The following EYS variants were observed in gnomAD, a reference collection of about 807,000 sequenced individuals.
EYS encodes protein eyes shut homolog.
EYS carries 250 observed loss-of-function variants against 282.1 expected under a neutral mutation model. The observed-to-expected ratio is 0.89, with a 90% CI of 0.80 to 0.98. The LOEUF (loss-of-function observed/expected upper bound fraction) is 0.98. Among genes scored for constraint, EYS ranks in the 50% least tolerant of loss-of-function variants. The pLI, the probability that EYS is intolerant of heterozygous loss-of-function variation, is 0.00. For missense variants in EYS, 4,016 were observed against 3,709.0 expected (o/e 1.08, Z -2.15); for synonymous variants, 1,355 against 1,282.9 (o/e 1.06, Z -1.20).
intron 29 of EYS, among the ~76,000 whole-genome samples, chr6:64,352,405 T>A (rs1771673740): frequency 6.6e-6 from 1 of 151,588 alleles, no homozygotes; most frequent in Non-Finnish European, 1.5e-5. Flanking sequence ...CAATATACGT[T>A]CACTAGTATC....
intron 9 of EYS, among the ~76,000 whole-genome samples, chr6:65,347,489 A>T (rs1770443625): frequency 6.6e-6 from 1 of 151,458 alleles, no homozygotes; most frequent in Non-Finnish European, 1.5e-5. Flanking sequence ...CTTGTCTTGT[A>T]GTGAAATTCA....
chr6:65,438,704 TG>T (rs201374686), intron 5 of EYS, among the ~76,000 whole-genome samples: 1 of 152,220 alleles, frequency 6.6e-6, no homozygotes, highest in East Asian at 1.9e-4. Context: ...TTGATGGGGT[TG>T]TTTTTTTCTT....
chr6:65,185,691 T>A (rs576623079), intron 12 of EYS, among the ~76,000 whole-genome samples: 124 of 151,942 alleles, frequency 8.2e-4, no homozygotes, highest in Middle Eastern at 3.4e-3. Flanking sequence ...TTCGTTCTTT[T>A]TGTTTTTTCT....
At chr6:64,616,293 C>T (rs1380846753) in intron 24 of EYS, among the ~76,000 whole-genome samples, 1 of 152,102 alleles carries the variant, frequency 6.6e-6, no homozygotes, top group Non-Finnish European at 1.5e-5. Context: ...CAACTAACTT[C>T]CAATTTAAGT....
At chr6:64,235,002 C>T (rs371632776) in intron 30 of EYS, among the ~76,000 whole-genome samples, 25 of 152,018 alleles carry the variant, frequency 1.6e-4, no homozygotes, top group African/African-American at 4.6e-4. Flanking sequence ...CACAGCCTCC[C>T]GAGTAGCTGG....
At chr6:64,005,359 C>T (rs1768295911) in intron 33 of EYS, among the ~76,000 whole-genome samples, 1 of 152,134 alleles carries the variant, frequency 6.6e-6, no homozygotes, top group Non-Finnish European at 1.5e-5. Flanking sequence ...CTTACTGAAT[C>T]TGTATATTAG....
chr6:65,353,443 A>T lies in EYS; in HGVS notation c.1459+15T>A, dbSNP rs752294951. On this transcript the variant is annotated intron_variant, in intron 9 of 42. Coordinates refer to ENST00000503581, the MANE Select transcript of EYS (RefSeq NM_001142800.2). ...TGATTCAAGCAGATTGAAAAAAATT[A>T]CATAAATTTGTTACCTGCAAATCCC... is the stretch of plus-strand genomic sequence containing the variant. 52 of 1,611,572 alleles carry T rather than the reference A, an allele frequency of 3.2e-5. No individual in the cohort carries two copies.
intron 22 of EYS, among the ~76,000 whole-genome samples, chr6:64,752,511 A>G (rs987136179): frequency 6.6e-6 from 1 of 152,178 alleles, no homozygotes; most frequent in Non-Finnish European, 1.5e-5. Flanking sequence ...GTGATTATGT[A>G]AAGTGTCCAA....
intron 2 of EYS, among the ~76,000 whole-genome samples, chr6:65,604,833 C>T (rs1456541937): frequency 7.2e-6 from 1 of 138,350 alleles, no homozygotes; most frequent in Middle Eastern, 3.6e-3. Context: ...CCTTTAAATT[C>T]ACTGCCCCCT....
chr6:63,857,268 G>A (rs938842389), intron 36 of EYS, among the ~76,000 whole-genome samples: 3 of 152,136 alleles, frequency 2.0e-5, no homozygotes, highest in Non-Finnish European at 4.4e-5. Flanking sequence ...CTCTTCAAGA[G>A]ATTTTCCAGA....
In EYS at chr6:65,013,101, A is replaced by G. The variant is rs142061074; in HGVS notation, c.2138-15398T>C. 1.9e-3 allele frequency among the ~76,000 whole-genome samples: 284 copies of G among 152,286 alleles called. 7 individuals are homozygous for G. The highest frequency in any genetic ancestry group is 0.016 in the Admixed American group (247 of 15,294). ...CAGAAAAAATGAATTGTCTTTAATGAAAAGTTCCCATGCATACCCTTTCTT... is the reference window on the plus strand; with the variant it reads ...CAGAAAAAATGAATTGTCTTTAATGGAAAGTTCCCATGCATACCCTTTCTT... On this transcript the variant is annotated intron_variant, in intron 13 of 42. Transcript: ENST00000503581.
intron 12 of EYS, among the ~76,000 whole-genome samples, chr6:65,229,260 G>A (rs542336593): frequency 2.6e-4 from 34 of 131,444 alleles, no homozygotes; most frequent in African/African-American, 8.4e-4. Flanking sequence ...CTAGTGTTGC[G>A]GCTAGATAAA....
chr6:64,762,116 T>C (rs140575597), intron 22 of EYS, among the ~76,000 whole-genome samples: 1,562 of 152,302 alleles, frequency 0.01, 20 homozygotes, highest in African/African-American at 0.035. Context: ...AATTAGCTGA[T>C]TTGATCATTC....
intron 28 of EYS, among the ~76,000 whole-genome samples, chr6:64,401,590 T>A (rs1773538568): frequency 6.6e-6 from 1 of 152,074 alleles, no homozygotes; most frequent in South Asian, 2.1e-4. Flanking sequence ...GGGGCAATAT[T>A]TTTATCTTAA....
chr6:65,505,540 G>T (rs544404305), intron 2 of EYS, among the ~76,000 whole-genome samples: 1 of 151,750 alleles, frequency 6.6e-6, no homozygotes, highest in Non-Finnish European at 1.5e-5. Context: ...AATGTTATAC[G>T]TTTGTCTCTG....
In EYS at chr6:65,455,208, T is replaced by A. The variant is rs372061240; in HGVS notation, c.862+35386A>T. Among the ~76,000 whole-genome samples, 49 of 152,248 alleles carry A rather than the reference T, an allele frequency of 3.2e-4. No individual in the cohort carries two copies. In the East Asian group the frequency reaches 3.9e-3, roughly 12 times the overall value. ...AATTTTATACTTTTCAGTTTAGAGA[T>A]CTTTCTCCTTCTTGGTTAAGTTGAT... On this transcript the variant is annotated intron_variant, in intron 5 of 42. Coordinates refer to ENST00000503581, the MANE Select transcript of EYS (RefSeq NM_001142800.2).
chr6:63,762,542 T>G lies in EYS; in HGVS notation c.7990A>C (p.Arg2664=), dbSNP rs1342358367. 1.9e-6 allele frequency: 3 copies of G among 1,550,514 alleles called. No individual in the cohort carries two copies. The highest frequency in any genetic ancestry group is 2.4e-5 in the East Asian group (1 of 40,886). The change falls in exon 41 of 43, where the codon AGA becomes CGA. Residue 2664 remains arginine (R), a synonymous_variant. Transcript: ENST00000503581. ...GGTAATGAAATGCAGGTTGCTCCTC[T>G]GCTACAGTGGTGTGGAGGGTCATGT... ...PEHDPPHHCS[R]GATCISLPHG... is the part of the protein sequence containing the mutation.
intron 22 of EYS, among the ~76,000 whole-genome samples, chr6:64,634,998 T>C (rs1767923668): frequency 6.6e-6 from 1 of 152,196 alleles, no homozygotes; most frequent in Admixed American, 6.5e-5. Context: ...TTTTATTTCA[T>C]TGAGCAGTGG....
intron 26 of EYS, among the ~76,000 whole-genome samples, chr6:64,488,336 T>A (rs1040306579): frequency 2.7e-5 from 4 of 150,920 alleles, no homozygotes; most frequent in Non-Finnish European, 4.5e-5. Context: ...GATATAACAA[T>A]CATACAATTG....
Sources: allele counts gnomAD v4.1 joint callset (sites outside exome capture counted in the v4.1 genomes callset), GRCh38; gene constraint gnomAD v4.1.1; transcripts MANE v1.5; gene names NCBI Gene and HGNC (gene_info 2026-07-23, HGNC 2026-07-21).